SBF2: variants seen among roughly 807,000 people sequenced by gnomAD.
SBF2 encodes the protein myotubularin-related protein 13.
Under a neutral mutation model 225.2 loss-of-function variants are expected in SBF2, and 112 were observed. The ratio of observed to expected loss-of-function variants is 0.50; its 90% CI spans 0.43 to 0.58. The LOEUF (loss-of-function observed/expected upper bound fraction) is 0.58. SBF2 is among the 20% of genes least tolerant of loss of function. SBF2 has a pLI of 0.00. For synonymous variants in SBF2, 763 were observed against 773.3 expected (o/e 0.99, Z 0.22); for missense variants, 1,996 against 2,206.2 (o/e 0.90, Z 1.91).
intron 1 of SBF2, among the ~76,000 whole-genome samples, chr11:10,214,159 G>A (rs1958039474): frequency 6.6e-6 from 1 of 152,026 alleles, no homozygotes; most frequent in African/African-American, 2.4e-5. Flanking sequence ...GGTGGGGAGG[G>A]GACAATCCTG....
chr11:9,923,923 T>C (rs1863828638), intron 16 of SBF2, among the ~76,000 whole-genome samples: 3 of 152,204 alleles, frequency 2.0e-5, no homozygotes, highest in African/African-American at 4.8e-5. Context: ...AATTTCATGC[T>C]AGTTCCATTA....
intron 2 of SBF2, among the ~76,000 whole-genome samples, chr11:10,189,686 A>G (rs12288275): frequency 0.095 from 14,474 of 152,206 alleles, 941 homozygotes; most frequent in East Asian, 0.28. Context: ...TTCTAACTGA[A>G]TGCTTCTCTT....
chr11:10,293,901 A>C (rs1964338145), intron 1 of SBF2, 114 bp downstream of exon 1: 2 of 696,412 alleles, frequency 2.9e-6, no homozygotes, highest in South Asian at 1.2e-4. Context: ...CGCTCCTCCG[A>C]GACTCGGCCT....
chr11:9,842,919 C>T, intron 24 of SBF2, 149 bp from the exon 25 acceptor site: 2 of 708,612 alleles, frequency 2.8e-6, no homozygotes, highest in South Asian at 3.7e-5. Context: ...CTTTAGGTTA[C>T]TTTTAATATG....
intron 31 of SBF2, 174 bp downstream of exon 31, chr11:9,808,719 TGCGTAGGG>T: frequency 1.9e-6 from 1 of 527,864 alleles, no homozygotes; most frequent in Non-Finnish European, 3.4e-6. Context: ...AGCTCCAGGC[TGCGTAGGG>T]GCTAAGAGCT....
intron 1 of SBF2, among the ~76,000 whole-genome samples, chr11:10,219,677 C>T (rs1245826658): frequency 5.3e-5 from 8 of 152,156 alleles, no homozygotes; most frequent in African/African-American, 1.9e-4. Flanking sequence ...TGTCTTCCAC[C>T]GGATACCCTA....
At chr11:9,971,163 G>T (rs1867303235) in intron 13 of SBF2, among the ~76,000 whole-genome samples, 1 of 150,388 alleles carries the variant, frequency 6.6e-6, no homozygotes, top group Non-Finnish European at 1.5e-5. Context: ...TCATTACTTT[G>T]GTTTCTATCT....
At chr11:10,058,171 G>C (rs1950317885) in intron 2 of SBF2, among the ~76,000 whole-genome samples, 1 of 152,208 alleles carries the variant, frequency 6.6e-6, no homozygotes, top group African/African-American at 2.4e-5. Context: ...GGCCAAACTG[G>C]ATGGATTGAC....
At chr11:10,227,307 C>A (rs1314106250) in intron 1 of SBF2, among the ~76,000 whole-genome samples, 1 of 152,154 alleles carries the variant, frequency 6.6e-6, no homozygotes, top group Non-Finnish European at 1.5e-5. Context: ...TTTTGCTGTG[C>A]AGAAGCTCTT....
intron 5 of SBF2, among the ~76,000 whole-genome samples, chr11:10,029,048 C>T (rs1319890930): frequency 1.3e-5 from 2 of 152,068 alleles, no homozygotes; most frequent in Non-Finnish European, 2.9e-5. Context: ...AAAAGAAATG[C>T]CAATCCCACT....
In SBF2 at chr11:9,832,432, T is replaced by C. The variant is rs375378481; in HGVS notation, c.3456-12A>G. On this transcript the variant is annotated splice_polypyrimidine_tract_variant and intron_variant, in intron 26 of 39. Coordinates refer to ENST00000256190, the MANE Select transcript of SBF2 (RefSeq NM_030962.4). ...AAAGGCCAGGATAGCTTCAGAGACA[T>C]AGAATAGAGAAGAGAATGATTGGGG... 37 of 1,598,724 alleles carry C rather than the reference T, an allele frequency of 2.3e-5. No individual in the cohort carries two copies. The highest frequency in any genetic ancestry group is 1.9e-4 in the African/African-American group (14 of 74,056).
At chr11:10,200,848 G>T (rs1957544382) in intron 1 of SBF2, among the ~76,000 whole-genome samples, 1 of 152,026 alleles carries the variant, frequency 6.6e-6, no homozygotes, top group South Asian at 2.1e-4. Context: ...TTAAAATATT[G>T]CTTAAGGAGT....
chr11:10,140,268 G>A (rs1429349042), intron 2 of SBF2, among the ~76,000 whole-genome samples: 10 of 152,146 alleles, frequency 6.6e-5, no homozygotes, highest in South Asian at 4.1e-4. Context: ...CTCCGGTTGG[G>A]GAATGGCTTC....
At chr11:9,828,956 C>T (rs112288069) in intron 28 of SBF2, among the ~76,000 whole-genome samples, 1 of 146,740 alleles carries the variant, frequency 6.8e-6, no homozygotes, top group Non-Finnish European at 1.5e-5. Context: ...TATTTATATT[C>T]CCCACTTCCT....
intron 32 of SBF2, among the ~76,000 whole-genome samples, chr11:9,798,151 C>G (rs149040371): frequency 4.6e-5 from 7 of 152,280 alleles, no homozygotes; most frequent in South Asian, 2.1e-4. Flanking sequence ...CTTAATACAG[C>G]AATTCTCATT....
chr11:10,036,889 A>C (rs1482437643), intron 3 of SBF2, among the ~76,000 whole-genome samples: 1 of 152,228 alleles, frequency 6.6e-6, no homozygotes, highest in African/African-American at 2.4e-5. Context: ...AAAATGAAAT[A>C]GTAACAATAC....
intron 13 of SBF2, among the ~76,000 whole-genome samples, chr11:9,987,565 G>C (rs1276737423): frequency 6.6e-6 from 1 of 152,120 alleles, no homozygotes; most frequent in Non-Finnish European, 1.5e-5. Context: ...AAAGAATTCA[G>C]CAAAGTTTCC....
chr11:10,069,337 G>C (rs1056308591), intron 2 of SBF2, among the ~76,000 whole-genome samples: 2 of 114,546 alleles, frequency 1.7e-5, no homozygotes, highest in East Asian at 5.0e-4. Flanking sequence ...CAGGCCCCAG[G>C]GTGTGATGTT....
chr11:9,991,440 C>T (rs1225064236), intron 12 of SBF2, among the ~76,000 whole-genome samples: 2 of 152,166 alleles, frequency 1.3e-5, no homozygotes, highest in African/African-American at 4.8e-5. Context: ...TTGATTCCTA[C>T]CTTCTCTATA....
Sources: allele counts gnomAD v4.1 joint callset (sites outside exome capture counted in the v4.1 genomes callset), GRCh38; gene constraint gnomAD v4.1.1; transcripts MANE v1.5; gene names NCBI Gene and HGNC (gene_info 2026-07-23, HGNC 2026-07-21).